Variants in SOS2 observed in about 807,000 individuals in gnomAD.
SOS2 encodes son of sevenless homolog 2.
SOS2 carries 65 observed loss-of-function variants against 148.2 expected under a neutral mutation model. The ratio of observed to expected loss-of-function variants is 0.44; its 90% CI spans 0.36 to 0.54. SOS2 has a LOEUF of 0.54. Ranked by LOEUF, SOS2 falls within the 20% of genes least tolerant of loss-of-function variation. The pLI is 0.00. For missense variants in SOS2, 1,341 were observed against 1,590.2 expected, an observed-to-expected ratio of 0.84 and a Z score of 2.67; for synonymous variants, 539 against 537.1, an observed-to-expected ratio of 1.00 and a Z score of -0.05.
chr14:50,201,564 T>C (rs1047586205), intron 2 of SOS2, among the ~76,000 whole-genome samples: 2 of 144,258 alleles, frequency 1.4e-5, no homozygotes, highest in African/African-American at 5.1e-5. Context: ...TCAACAGGAC[T>C]ATCAAAATTT....
In SOS2 at chr14:50,130,566, G is replaced by A. The variant is rs1883836188; in HGVS notation, c.3272C>T (p.Thr1091Ile). ...SAPTSPNTPS[T>I]PPVSASSDLS... is the part of the protein sequence containing the mutation. ...GTCTGAAGAAGCAGATACTGGTGGA[G>A]TAGATGGTGTATTTGGAGAGGTTGG... Residue 1091 changes from threonine to isoleucine, a missense_variant, in exon 20 of 23, where the codon ACT (threonine) becomes ATT (isoleucine). Around this residue, in one of 4 missense-constraint regions of SOS2, gnomAD observed 354 missense variants for 347.7 expected, o/e 1.02. Coordinates refer to ENST00000216373, the MANE Select transcript of SOS2 (RefSeq NM_006939.4). 7 of 1,613,806 alleles carry A rather than the reference G, an allele frequency of 4.3e-6. No individual in the cohort carries two copies. The highest frequency in any genetic ancestry group is 5.9e-6 in the Non-Finnish European group (7 of 1,179,708).
At chr14:50,230,953 T>A in intron 1 of SOS2, 6 of 1,054,906 alleles carry the variant, frequency 5.7e-6, no homozygotes, top group Non-Finnish European at 7.0e-6. Flanking sequence ...CCTGACGAAA[T>A]GACTGCAACA....
At chr14:50,137,299 C>T (rs991033400) in intron 18 of SOS2, among the ~76,000 whole-genome samples, 2 of 152,134 alleles carry the variant, frequency 1.3e-5, no homozygotes, top group African/African-American at 4.8e-5. Context: ...CATACATATA[C>T]CACTTTGCTG....
In SOS2 at chr14:50,145,584, C is replaced by T. The variant is rs770022419; in HGVS notation, c.2397G>A (p.Pro799=). 10 of 1,594,020 alleles carry T rather than the reference C, an allele frequency of 6.3e-6. No individual in the cohort carries two copies. Among genetic ancestry groups the T allele is most frequent in the South Asian group, 3.4e-5 (3 of 87,230 alleles). The stretch of plus-strand genomic sequence containing the variant: ...TCCACACACTCCCTACAAGTTCAGA[C>T]GGTTGAACTTTCCTATGGAATTGAA... ...LESDLYRKVQ[P]SELVGSVWTK... The change falls in exon 15 of 23, where the codon CCG becomes CCA. Residue 799 remains proline (P), a synonymous_variant. Coordinates refer to ENST00000216373, the MANE Select transcript of SOS2 (RefSeq NM_006939.4).
chr14:50,165,761 C>T (rs1885144642), intron 8 of SOS2, among the ~76,000 whole-genome samples: 1 of 152,108 alleles, frequency 6.6e-6, no homozygotes, highest in Non-Finnish European at 1.5e-5. Context: ...AGTATTTAGA[C>T]CAATAATGAA....
chr14:50,144,557 C>T (rs1365247899), intron 16 of SOS2, among the ~76,000 whole-genome samples: 1 of 152,072 alleles, frequency 6.6e-6, no homozygotes, highest in Non-Finnish European at 1.5e-5. Flanking sequence ...CCTGTCTCAG[C>T]CTCCGAAGTA....
chr14:50,164,631 C>CA (rs201104460), intron 8 of SOS2, among the ~76,000 whole-genome samples: 1,422 of 127,648 alleles, frequency 0.011, 11 homozygotes, highest in Middle Eastern at 0.038. Context: ...ATTCTGTCTC[C>CA]AAAAAAAAAA....
intron 8 of SOS2, among the ~76,000 whole-genome samples, chr14:50,165,292 A>C (rs1293536110): frequency 2.0e-5 from 3 of 152,160 alleles, no homozygotes; most frequent in Non-Finnish European, 4.4e-5. Flanking sequence ...ATTTTCCCCC[A>C]AAACAGGAAC....
Position 50,139,974 on chromosome 14 carries a change from T to C in SOS2, c.2753A>G (p.Lys918Arg). 13 of 1,599,326 alleles carry C rather than the reference T, an allele frequency of 8.1e-6. 1 individual carries two copies. Among genetic ancestry groups the C allele is most frequent in the Non-Finnish European group, 1.1e-5 (13 of 1,167,774 alleles). Residue 918 changes from lysine to arginine, a missense_variant, in exon 17 of 23, where the codon AAG becomes AGG. By Grantham distance (26) the Lys-to-Arg change is conservative. This residue lies in a region of SOS2 where 408 missense variants were observed against 506.6 expected (regional missense o/e 0.81). Transcript: ENST00000216373. ...AGGCACACAAGGTGGATTGATTGACTTAAGTTTTACTAGGTATTTTTTAAA... is the reference window on the plus strand; with the variant it reads ...AGGCACACAAGGTGGATTGATTGACCTAAGTTTTACTAGGTATTTTTTAAA... ...DHFKKYLVKL[K>R]SINPPCVPFF...
At chr14:50,217,559 T>TA (rs768005401) in intron 1 of SOS2, among the ~76,000 whole-genome samples, 46 of 151,936 alleles carry the variant, frequency 3.0e-4, no homozygotes, top group South Asian at 1.9e-3. Flanking sequence ...AATAAATAAA[T>TA]AAAAAATTTC....
Position 50,163,079 on chromosome 14 carries a change from T to A in SOS2, c.1069-1470A>T, listed in dbSNP as rs188418260. Among the ~76,000 whole-genome samples, 1,077 of 151,306 alleles carry A rather than the reference T, an allele frequency of 7.1e-3. 15 individuals are homozygous for A. The highest frequency in any genetic ancestry group is 0.025 in the African/African-American group (1,011 of 41,218). Reference sequence around the variant, plus strand: ...ACCATGCTTGGCTAATTTTTTTTTTTAATTTTTCTGTAGAGATGGGGTCTC... The same window carrying A: ...ACCATGCTTGGCTAATTTTTTTTTTAAATTTTTCTGTAGAGATGGGGTCTC... On this transcript the variant is annotated intron_variant, in intron 8 of 22. Transcript: ENST00000216373.
intron 4 of SOS2, among the ~76,000 whole-genome samples, chr14:50,193,767 G>C (rs1323298889): frequency 7.1e-6 from 1 of 141,776 alleles, no homozygotes; most frequent in African/African-American, 2.6e-5. Context: ...TTTTTTTTTT[G>C]AGACATAGTT....
At chr14:50,155,488 T>C (rs1396796770) in intron 12 of SOS2, among the ~76,000 whole-genome samples, 2 of 152,126 alleles carry the variant, frequency 1.3e-5, no homozygotes, top group Admixed American at 6.6e-5. Flanking sequence ...AGCCTATACA[T>C]CCTTTAGGGG....
intron 12 of SOS2, chr14:50,155,745 T>A (rs1884791608): frequency 6.6e-6 from 1 of 152,114 alleles, no homozygotes. Flanking sequence ...ACACAGCAAA[T>A]GCTTAGAAAT....
chr14:50,193,812 T>G (rs1247207791), intron 4 of SOS2, among the ~76,000 whole-genome samples: 2 of 151,824 alleles, frequency 1.3e-5, no homozygotes, highest in Non-Finnish European at 2.9e-5. Flanking sequence ...TAAGTGGTAC[T>G]CGGCTCACTG....
rs1886422672 is a variant in SOS2, at chr14:50,199,696, C to T, written c.505G>A (p.Asp169Asn). Residue 169 changes from aspartate to asparagine, a missense_variant, in exon 4 of 23, where the codon GAT becomes AAT. This residue lies in a region of SOS2 where 574 missense variants were observed against 711.1 expected (regional missense o/e 0.81). Transcript: ENST00000216373. ...AAATACCTTGTAACACTTACCTTAT[C>T]CGCACACATTGACACTTTAATGTCC... is the stretch of plus-strand genomic sequence containing the variant. ...QQDIKVSMCA[D>N]KVLMDMFDQD... The T allele has an allele frequency of 6.3e-7, 1 of 1,594,568 alleles. No individual in the cohort carries two copies. The highest frequency in any genetic ancestry group is 1.8e-5 in the Admixed American group (1 of 57,002).
At chr14:50,213,876 T>A (rs1197726572) in intron 1 of SOS2, among the ~76,000 whole-genome samples, 2 of 141,022 alleles carry the variant, frequency 1.4e-5, no homozygotes, top group Non-Finnish European at 1.5e-5. Context: ...GGCAACAGAG[T>A]GAGTCCCTGC....
chr14:50,200,129 C>T (rs112238715), intron 3 of SOS2, among the ~76,000 whole-genome samples: 1 of 152,004 alleles, frequency 6.6e-6, no homozygotes, highest in African/African-American at 2.4e-5. Flanking sequence ...CCACTAAAAG[C>T]CTCTTAATAC....
chr14:50,211,357 G>A (rs955499576), intron 1 of SOS2, among the ~76,000 whole-genome samples: 1 of 152,016 alleles, frequency 6.6e-6, no homozygotes, highest in Admixed American at 6.6e-5. Context: ...TAGATTAAGG[G>A]GGTATATGTG....
Sources: gnomAD v4.1 joint callset for allele counts (sites outside exome capture counted in the v4.1 genomes callset) on GRCh38, gnomAD v4.1.1 for gene constraint, gnomAD v4.1.1 regional missense constraint, MANE v1.5 for transcripts, NCBI Gene and HGNC (gene_info 2026-07-23, HGNC 2026-07-21) for gene names.